Variants in TNR observed in about 807,000 individuals in gnomAD.
TNR encodes tenascin R, also known as tenascin-R.
Under a neutral mutation model 150.4 loss-of-function variants are expected in TNR, and 45 were observed. That is an observed-to-expected ratio of 0.30 (90% confidence interval 0.24 to 0.38). The LOEUF (loss-of-function observed/expected upper bound fraction) is 0.38, where lower values mean the gene tolerates loss of function less well. Among genes scored for constraint, TNR ranks in the 10% least tolerant of loss-of-function variants. The pLI is 1.00. For missense variants in TNR, 1,544 were observed against 1,759.1 expected (o/e 0.88, Z 2.19); for synonymous variants, 687 against 678.4 (o/e 1.01, Z -0.20).
At chr1:175,559,419 A>C (rs1661325785) in intron 1 of TNR, among the ~76,000 whole-genome samples, 1 of 152,220 alleles carries the variant, frequency 6.6e-6, no homozygotes, top group Non-Finnish European at 1.5e-5. Context: ...TCCAACCACC[A>C]GCTTAAGAAA....
chr1:175,422,668 C>T (rs568162141), intron 2 of TNR, among the ~76,000 whole-genome samples: 1 of 152,196 alleles, frequency 6.6e-6, no homozygotes, highest in Non-Finnish European at 1.5e-5. Context: ...TCCCCCCTAA[C>T]CCCAGTTTCT....
Position 175,319,583 on chromosome 1 carries a change from T to A in TNR, c.*3774A>T, listed in dbSNP as rs1445322512. 3 of 152,400 alleles carry A rather than the reference T, an allele frequency of 2.0e-5. No individual in the cohort carries two copies. Among genetic ancestry groups the A allele is most frequent in the African/African-American group, 7.2e-5 (3 of 41,454 alleles). The allele number at this position is 152,400 out of a possible 1,614,324, so 9.4% of individuals were successfully genotyped here. A position where few individuals can be genotyped will look rare whatever the true frequency, so the allele number is the denominator to read the frequency against. On this transcript the variant is annotated 3_prime_UTR_variant, in exon 23 of 23. Coordinates refer to ENST00000367674, the MANE Select transcript of TNR (RefSeq NM_003285.3). ...GGGCATTAGGAGTCCTACCACTTTA[T>A]GAGTAGTAGAGGGGGAAGTTGGTAG...
At chr1:175,397,732 G>C (rs1653497847) in intron 4 of TNR, among the ~76,000 whole-genome samples, 1 of 152,170 alleles carries the variant, frequency 6.6e-6, no homozygotes, top group Non-Finnish European at 1.5e-5. Context: ...AAACATTCTT[G>C]AGGACCTTGC....
At chr1:175,536,938 T>C (rs1660315262) in intron 1 of TNR, among the ~76,000 whole-genome samples, 1 of 152,174 alleles carries the variant, frequency 6.6e-6, no homozygotes, top group African/African-American at 2.4e-5. Flanking sequence ...TGAGCCTTCC[T>C]TCAAACTGGG....
rs1235393773 is a variant in TNR at position 175,397,195 on chromosome 1, GACT to G, written c.977-391_977-389del. On this transcript the variant is annotated intron_variant, in intron 4 of 22. Transcript: ENST00000367674. ...AAAATTTATCACTCTCAAATTATTT[GACT>G]ACATTTTACTATTATGTGTACCTTT... Among the ~76,000 whole-genome samples the G allele has an allele frequency of 4.6e-5, 7 of 152,190 alleles. No individual in the cohort carries two copies. The East Asian group carries it at 1.3e-3, about 29-fold the overall frequency.
intron 2 of TNR, among the ~76,000 whole-genome samples, chr1:175,435,134 A>G (rs1199872081): frequency 6.6e-6 from 1 of 152,228 alleles, no homozygotes; most frequent in African/African-American, 2.4e-5. Context: ...TTGAAAGATC[A>G]CTTGGCTGCT....
In TNR at chr1:175,320,788, TTTCC is replaced by T. The variant is rs35772982; in HGVS notation, c.*2565_*2568del. On this transcript the variant is annotated 3_prime_UTR_variant, in exon 23 of 23. Transcript: ENST00000367674. ...TTCCCTCCCTCCCTCCCCTTCCTTC[TTTCC>T]TTCCTTCCTTCCTTCCTTCTTTCCT... is the stretch of plus-strand genomic sequence containing the variant. The T allele has an allele frequency of 0.049, 6,895 of 141,336 alleles. 229 individuals are homozygous for T. The highest frequency in any genetic ancestry group is 0.18 in the Middle Eastern group (52 of 286). The allele number at this position is 141,336 out of a possible 1,614,324, so 8.8% of individuals were successfully genotyped here.
chr1:175,431,911 A>ATCTCTCTCTCTCCTTCTC (rs1655282373), intron 2 of TNR, among the ~76,000 whole-genome samples: 1 of 136,374 alleles, frequency 7.3e-6, no homozygotes, highest in Admixed American at 7.1e-5. Flanking sequence ...GGACCATAAT[A>ATCTCTCTCTCTCCTTCTC]TCTCTCTCTC....
intron 1 of TNR, among the ~76,000 whole-genome samples, chr1:175,534,619 G>A (rs937298181): frequency 6.6e-6 from 1 of 152,200 alleles, no homozygotes; most frequent in Non-Finnish European, 1.5e-5. Flanking sequence ...CATAATTCAG[G>A]ATTCAGACAA....
At chr1:175,546,426 C>T (rs970098089) in intron 1 of TNR, among the ~76,000 whole-genome samples, 5 of 152,170 alleles carry the variant, frequency 3.3e-5, no homozygotes, top group East Asian at 1.9e-4. Flanking sequence ...GAATTGCCGG[C>T]CATCTCACAT....
intron 18 of TNR, among the ~76,000 whole-genome samples, chr1:175,344,725 A>G (rs1166298981): frequency 1.3e-5 from 2 of 152,226 alleles, no homozygotes; most frequent in African/African-American, 4.8e-5. Flanking sequence ...AAATCTCTAG[A>G]AAAAGAATTT....
chr1:175,497,888 T>C (rs1055589832), intron 2 of TNR, among the ~76,000 whole-genome samples: 23 of 152,102 alleles, frequency 1.5e-4, no homozygotes, highest in African/African-American at 5.6e-4. Context: ...GGTGAAACCC[T>C]GTCTCCACTA....
intron 1 of TNR, among the ~76,000 whole-genome samples, chr1:175,630,910 C>T (rs116131452): frequency 0.011 from 1,697 of 152,274 alleles, 14 homozygotes; most frequent in Middle Eastern, 0.02. Flanking sequence ...CATGGTCTAT[C>T]CAGACTGGTC....
chr1:175,383,793 A>G (rs1219899947), intron 8 of TNR, among the ~76,000 whole-genome samples: 2 of 152,170 alleles, frequency 1.3e-5, no homozygotes, highest in East Asian at 3.9e-4. Context: ...CTGCCAACCC[A>G]GGCCTGGAGA....
chr1:175,558,759 C>T (rs1178140501), intron 1 of TNR, among the ~76,000 whole-genome samples: 1 of 151,954 alleles, frequency 6.6e-6, no homozygotes, highest in Non-Finnish European at 1.5e-5. Context: ...TTAAAGCACC[C>T]TACTTAAAAA....
intron 1 of TNR, among the ~76,000 whole-genome samples, chr1:175,531,780 C>T: frequency 6.6e-6 from 1 of 152,186 alleles, no homozygotes; most frequent in East Asian, 1.9e-4. Flanking sequence ...AGAAAATGTG[C>T]ATTATATTTT....
At chr1:175,370,249 A>C (rs1185291779) in intron 9 of TNR, among the ~76,000 whole-genome samples, 2 of 151,864 alleles carry the variant, frequency 1.3e-5, no homozygotes, top group Admixed American at 6.6e-5. Context: ...TATATGAGTC[A>C]AAGTGTTTAA....
chr1:175,379,434 T>C (rs1652564650), intron 9 of TNR, 118 bp downstream of exon 9: 3 of 852,450 alleles, frequency 3.5e-6, no homozygotes, highest in Non-Finnish European at 5.5e-6. Flanking sequence ...GCTAGGCACT[T>C]AAGAGATGAG....
At chr1:175,676,807 G>T (rs183164631) in intron 1 of TNR, among the ~76,000 whole-genome samples, 1 of 152,152 alleles carries the variant, frequency 6.6e-6, no homozygotes, top group East Asian at 1.9e-4. Flanking sequence ...AAAGAACCAC[G>T]GGACTCTCCT....
Sources: allele counts gnomAD v4.1 joint callset (sites outside exome capture counted in the v4.1 genomes callset), GRCh38; gene constraint gnomAD v4.1.1; transcripts MANE v1.5; gene names NCBI Gene and HGNC (gene_info 2026-07-23, HGNC 2026-07-21).